ARSB: variants seen among roughly 807,000 people sequenced by gnomAD.
ARSB encodes the protein arylsulfatase B.
A neutral mutation model predicts 50.9 loss-of-function variants in ARSB; 41 were observed. That is an observed-to-expected ratio of 0.81 (90% CI 0.63 to 1.04). ARSB has a LOEUF of 1.04. Among genes scored for constraint, ARSB ranks in the 50% least tolerant of loss-of-function variants. The pLI, the probability that ARSB is intolerant of heterozygous loss-of-function variation, is 0.00. For synonymous variants in ARSB, 269 were observed against 284.8 expected (o/e 0.94, Z 0.56); for missense variants, 672 against 693.3 (o/e 0.97, Z 0.35).
At chr5:78,942,384 ATTGTAGACC>A (rs141962491) in intron 4 of ARSB, among the ~76,000 whole-genome samples, 82,599 of 151,162 alleles carry the variant, frequency 0.55, 22,283 homozygotes, top group East Asian at 0.67. Flanking sequence ...TAGGGTGTCA[ATTGTAGACC>A]TTTCCTGCTT....
At chr5:78,900,696 C>T (rs566694777) in intron 4 of ARSB, among the ~76,000 whole-genome samples, 1 of 152,216 alleles carries the variant, frequency 6.6e-6, no homozygotes, top group East Asian at 1.9e-4. Context: ...TTCTATACTA[C>T]CATTTTGAAA....
intron 6 of ARSB, among the ~76,000 whole-genome samples, chr5:78,837,871 T>A (rs1415513031): frequency 6.6e-6 from 1 of 152,176 alleles, no homozygotes; most frequent in Non-Finnish European, 1.5e-5. Flanking sequence ...GGCTCAAACC[T>A]TGCCCTTGCC....
intron 5 of ARSB, among the ~76,000 whole-genome samples, chr5:78,852,821 T>C (rs1260581559): frequency 6.6e-6 from 1 of 152,244 alleles, no homozygotes; most frequent in Non-Finnish European, 1.5e-5. Flanking sequence ...CTTCCATCAC[T>C]GATACCCTTT....
intron 6 of ARSB, among the ~76,000 whole-genome samples, chr5:78,792,868 A>G (rs149891589): frequency 2.0e-5 from 3 of 152,326 alleles, no homozygotes; most frequent in African/African-American, 7.2e-5. Context: ...TGACTGTGAG[A>G]TCTGAACCAG....
chr5:78,793,049 C>T (rs1355856985), intron 6 of ARSB, among the ~76,000 whole-genome samples: 1 of 152,214 alleles, frequency 6.6e-6, no homozygotes, highest in Non-Finnish European at 1.5e-5. Flanking sequence ...GTCACTGGAG[C>T]CTACAGTCCC....
At chr5:78,919,419 G>C (rs150546936) in intron 4 of ARSB, among the ~76,000 whole-genome samples, 8 of 152,312 alleles carry the variant, frequency 5.3e-5, no homozygotes, top group African/African-American at 1.9e-4. Context: ...ATTCACTTTT[G>C]TGTGCTTAGT....
chr5:78,905,344 G>GTTTGTTTT (rs1554081218), intron 4 of ARSB, among the ~76,000 whole-genome samples: 4 of 130,544 alleles, frequency 3.1e-5, no homozygotes, highest in South Asian at 2.5e-4. Flanking sequence ...GTATTTTCCT[G>GTTTGTTTT]TTTTTTTTTT....
intron 6 of ARSB, chr5:78,815,854 T>C (rs1743964402): frequency 7.3e-7 from 1 of 1,367,308 alleles, no homozygotes; most frequent in Admixed American, 3.0e-5. Context: ...TGAAATAATA[T>C]AAGAAATGAC....
At chr5:78,800,533 A>G (rs1249085288) in intron 6 of ARSB, among the ~76,000 whole-genome samples, 1 of 152,116 alleles carries the variant, frequency 6.6e-6, no homozygotes, top group Non-Finnish European at 1.5e-5. Context: ...ATAACAAATC[A>G]ACAAGAATTT....
At position 78,942,295 on chromosome 5, in the gene ARSB, T is replaced by C. The variant is rs372379547; in HGVS notation, c.898+13000A>G. ...GTCTCTATCTCCTTCAGTTCTGCTC[T>C]GATCTTAGTTATTCCTTGCCTTCTG... On this transcript the variant is annotated intron_variant, in intron 4 of 7. Transcript: ENST00000264914. 9.8e-5 allele frequency among the ~76,000 whole-genome samples: 15 copies of C among 152,378 alleles called. No individual in the cohort carries two copies. The East Asian group carries it at 1.5e-3, about 16-fold the overall frequency.
intron 5 of ARSB, among the ~76,000 whole-genome samples, chr5:78,849,998 CA>C (rs1561457415): frequency 1.3e-5 from 2 of 151,088 alleles, no homozygotes; most frequent in African/African-American, 4.9e-5. Flanking sequence ...ACAATCATGT[CA>C]TCTGCAAACA....
chr5:78,938,978 G>C (rs77805305), intron 4 of ARSB, among the ~76,000 whole-genome samples: 158 of 152,320 alleles, frequency 1.0e-3, no homozygotes, highest in African/African-American at 3.7e-3. Context: ...GCAGATGCCT[G>C]TTCACTAAAT....
chr5:78,873,928 T>C (rs865845900), intron 5 of ARSB, among the ~76,000 whole-genome samples: 173 of 152,362 alleles, frequency 1.1e-3, no homozygotes, highest in African/African-American at 4.0e-3. Flanking sequence ...TCTTAGATTT[T>C]AAATCATAAC....
intron 4 of ARSB, among the ~76,000 whole-genome samples, chr5:78,905,562 T>C (rs1749022608): frequency 6.6e-6 from 1 of 152,150 alleles, no homozygotes; most frequent in African/African-American, 2.4e-5. Flanking sequence ...GCCTTTGCTA[T>C]GAGGTTTGGG....
intron 3 of ARSB, among the ~76,000 whole-genome samples, chr5:78,956,296 T>C (rs968261382): frequency 6.6e-6 from 1 of 152,182 alleles, no homozygotes; most frequent in Admixed American, 6.5e-5. Context: ...ATTTCATTTA[T>C]ATGAAATTCC....
At chr5:78,976,956 T>A (rs1373779432) in intron 1 of ARSB, among the ~76,000 whole-genome samples, 1 of 152,138 alleles carries the variant, frequency 6.6e-6, no homozygotes, top group Non-Finnish European at 1.5e-5. Flanking sequence ...CTCAAGAGCT[T>A]TGCTTCTGTT....
chr5:78,794,480 TC>T (rs1743110467), intron 6 of ARSB, among the ~76,000 whole-genome samples: 1 of 152,074 alleles, frequency 6.6e-6, no homozygotes. Flanking sequence ...ATGTGACCTG[TC>T]CTGAAATAGG....
In ARSB at chr5:78,787,138, A is replaced by T. The variant is rs3035251; in HGVS notation, c.1214-5164T>A. On this transcript the variant is annotated intron_variant, in intron 6 of 7. Coordinates refer to ENST00000264914, the MANE Select transcript of ARSB (RefSeq NM_000046.5). ...TCTATCTATCTATCTATCTATCTAT[A>T]TAGATACAGGTTTCACTATGTTGGC... is the stretch of plus-strand genomic sequence containing the variant. Among the ~76,000 whole-genome samples, 160 of 112,272 alleles carry T rather than the reference A, an allele frequency of 1.4e-3. 1 individual carries two copies. The highest frequency in any genetic ancestry group is 4.9e-3 in the African/African-American group (154 of 31,526). The allele number at this position is 112,272 out of a possible 152,430, so 73.7% of individuals were successfully genotyped here.
At chr5:78,979,722 A>G (rs336522) in intron 1 of ARSB, among the ~76,000 whole-genome samples, 148,972 of 152,296 alleles carry the variant, frequency 0.98, 72,916 homozygotes, top group Non-Finnish European at 1. Context: ...TTTCATGGCC[A>G]TGGGACAGAC....
Sources: allele counts gnomAD v4.1 joint callset (sites outside exome capture counted in the v4.1 genomes callset), GRCh38; gene constraint gnomAD v4.1.1; transcripts MANE v1.5; gene names NCBI Gene and HGNC (gene_info 2026-07-23, HGNC 2026-07-21).